SGCZ: variants seen among roughly 807,000 people sequenced by gnomAD.
SGCZ encodes the protein sarcoglycan zeta.
In SGCZ, 40 loss-of-function variants were observed where a neutral mutation model predicts 41.3. The ratio of observed to expected loss-of-function variants is 0.97; its 90% CI spans 0.75 to 1.26. SGCZ has a LOEUF of 1.26. Among genes scored for constraint, SGCZ ranks in the 50% most tolerant of loss-of-function variants. The probability of loss-of-function intolerance (pLI) is 0.00; values close to 1 mark genes in which losing one functional copy is unlikely to be tolerated. For missense variants in SGCZ, 552 were observed against 369.8 expected (o/e 1.49, Z -4.04); for synonymous variants, 206 against 137.5 (o/e 1.50, Z -3.49).
intron 1 of SGCZ, among the ~76,000 whole-genome samples, chr8:14,857,178 C>G (rs1321609513): frequency 6.6e-6 from 1 of 152,106 alleles, no homozygotes; most frequent in African/African-American, 2.4e-5. Flanking sequence ...CCTGCTAACC[C>G]TTCACCTCCT....
intron 3 of SGCZ, among the ~76,000 whole-genome samples, chr8:14,299,108 C>G (rs1037694438): frequency 2.0e-5 from 3 of 151,926 alleles, no homozygotes; most frequent in Non-Finnish European, 2.9e-5. Context: ...GTCTTTTAAA[C>G]AAATGGAGTT....
intron 1 of SGCZ, among the ~76,000 whole-genome samples, chr8:15,185,764 G>C (rs1002599568): frequency 6.6e-6 from 1 of 152,110 alleles, no homozygotes; most frequent in Admixed American, 6.5e-5. Context: ...ATAAGATGAA[G>C]TAATCTAAAG....
At position 14,261,407 on chromosome 8, in the gene SGCZ, T is replaced by C. The variant is rs182413752; in HGVS notation, c.337-23728A>G. Reference sequence around the variant, plus strand: ...ATTTTGACAGTTTATGTTCTTGTTGTTAAAGAATTACCGTAGTGTAAATAT... The same window carrying C: ...ATTTTGACAGTTTATGTTCTTGTTGCTAAAGAATTACCGTAGTGTAAATAT... On this transcript the variant is annotated intron_variant, in intron 3 of 7. Coordinates refer to ENST00000382080, the MANE Select transcript of SGCZ (RefSeq NM_139167.4). Among the ~76,000 whole-genome samples the C allele has an allele frequency of 3.3e-5, 5 of 152,284 alleles. No homozygotes were observed. In the East Asian group the frequency reaches 7.7e-4, roughly 24 times the overall value.
chr8:14,854,310 A>C (rs1016289689), intron 1 of SGCZ, among the ~76,000 whole-genome samples: 6 of 151,762 alleles, frequency 4.0e-5, no homozygotes, highest in Non-Finnish European at 8.8e-5. Flanking sequence ...CGCAATTCAC[A>C]AAACAAAAAG....
At chr8:14,178,404 A>C (rs1022949089) in intron 4 of SGCZ, among the ~76,000 whole-genome samples, 2 of 152,258 alleles carry the variant, frequency 1.3e-5, no homozygotes, top group Non-Finnish European at 2.9e-5. Flanking sequence ...CATAGCCGTC[A>C]TTAGATTACC....
At chr8:14,979,980 A>T (rs1330936640) in intron 1 of SGCZ, among the ~76,000 whole-genome samples, 1 of 152,262 alleles carries the variant, frequency 6.6e-6, no homozygotes, top group Non-Finnish European at 1.5e-5. Context: ...ATCATGCTTA[A>T]AATTATTACC....
At chr8:14,583,014 G>A (rs920938518) in intron 1 of SGCZ, among the ~76,000 whole-genome samples, 15 of 151,436 alleles carry the variant, frequency 9.9e-5, no homozygotes, top group African/African-American at 3.4e-4. Context: ...AGTCCTTTGG[G>A]TATATACCCA....
intron 1 of SGCZ, among the ~76,000 whole-genome samples, chr8:14,826,879 T>C (rs1489751114): frequency 3.3e-5 from 5 of 152,186 alleles, no homozygotes; most frequent in Non-Finnish European, 7.3e-5. Flanking sequence ...TCCCATTCTG[T>C]AGGCTGCCTG....
chr8:14,713,941 A>G (rs1317824289), intron 1 of SGCZ, among the ~76,000 whole-genome samples: 1 of 152,082 alleles, frequency 6.6e-6, no homozygotes, highest in African/African-American at 2.4e-5. Flanking sequence ...AGGTAACTCC[A>G]TTTTAAGTCT....
intron 1 of SGCZ, among the ~76,000 whole-genome samples, chr8:15,166,397 A>G (rs561625512): frequency 6.6e-5 from 10 of 151,988 alleles, no homozygotes; most frequent in African/African-American, 1.9e-4. Context: ...ACAGGCGCCC[A>G]CCACCATGCC....
At chr8:15,090,002 CTTAACCAAAGTAGT>C (rs1806096869) in intron 1 of SGCZ, among the ~76,000 whole-genome samples, 1 of 152,164 alleles carries the variant, frequency 6.6e-6, no homozygotes, top group African/African-American at 2.4e-5. Flanking sequence ...AAGTCTGTGG[CTTAACCAAAGTAGT>C]AAAAACTGTT....
At chr8:14,794,076 G>A (rs1675667511) in intron 1 of SGCZ, among the ~76,000 whole-genome samples, 2 of 152,056 alleles carry the variant, frequency 1.3e-5, no homozygotes, top group African/African-American at 4.8e-5. Context: ...TCCTCATTAA[G>A]AAGCCTACAA....
chr8:14,541,216 G>A (rs1284380053), intron 2 of SGCZ, among the ~76,000 whole-genome samples: 1 of 151,856 alleles, frequency 6.6e-6, no homozygotes, highest in Non-Finnish European at 1.5e-5. Context: ...CACGTGCCAT[G>A]GTGGTTTGCT....
At chr8:14,370,237 T>C (rs1294685012) in intron 2 of SGCZ, among the ~76,000 whole-genome samples, 4 of 152,074 alleles carry the variant, frequency 2.6e-5, no homozygotes, top group Non-Finnish European at 4.4e-5. Context: ...AAAAGAATAA[T>C]AGAGTACAGT....
intron 2 of SGCZ, among the ~76,000 whole-genome samples, chr8:14,415,975 T>C (rs1347688725): frequency 6.6e-6 from 1 of 151,934 alleles, no homozygotes; most frequent in Non-Finnish European, 1.5e-5. Context: ...AACATGCTTA[T>C]TTATTGTATG....
intron 5 of SGCZ, among the ~76,000 whole-genome samples, chr8:14,134,420 A>G (rs1184197320): frequency 6.6e-6 from 1 of 152,214 alleles, no homozygotes; most frequent in Admixed American, 6.5e-5. Context: ...TAAAGATGAC[A>G]GGTATGAATG....
At chr8:14,117,267 C>T (rs1350518587) in intron 5 of SGCZ, among the ~76,000 whole-genome samples, 1 of 151,926 alleles carries the variant, frequency 6.6e-6, no homozygotes, top group Admixed American at 6.6e-5. Context: ...CAGATATGTG[C>T]TTTTACATTT....
intron 5 of SGCZ, among the ~76,000 whole-genome samples, chr8:14,122,159 C>T (rs1297008188): frequency 6.6e-6 from 1 of 152,190 alleles, no homozygotes; most frequent in East Asian, 1.9e-4. Context: ...CGCCTGTAGT[C>T]CCAGCTACTC....
intron 2 of SGCZ, among the ~76,000 whole-genome samples, chr8:14,531,063 A>C (rs937323312): frequency 3.9e-5 from 6 of 152,048 alleles, no homozygotes; most frequent in African/African-American, 1.4e-4. Flanking sequence ...GATGGAGTCC[A>C]TGGACCAGAC....
Sources: gnomAD v4.1 joint callset for allele counts (sites outside exome capture counted in the v4.1 genomes callset) on GRCh38, gnomAD v4.1.1 for gene constraint, MANE v1.5 for transcripts, NCBI Gene and HGNC (gene_info 2026-07-23, HGNC 2026-07-21) for gene names.